PTPN9: variants seen among roughly 807,000 people sequenced by gnomAD.
The protein encoded by PTPN9 is protein tyrosine phosphatase non-receptor type 9.
In PTPN9, 26 loss-of-function variants were observed where a neutral mutation model predicts 69.8. That is an observed-to-expected ratio of 0.37 (90% CI 0.27 to 0.52). The LOEUF (loss-of-function observed/expected upper bound fraction) is 0.52. PTPN9 is among the 20% of genes least tolerant of loss of function. The pLI is 0.91. For missense variants in PTPN9, 549 were observed against 740.3 expected (o/e 0.74, Z 3.00); for synonymous variants, 274 against 272.5 (o/e 1.01, Z -0.05).
chr15:75,573,326 A>G (rs2075157431), intron 1 of PTPN9, among the ~76,000 whole-genome samples: 1 of 152,208 alleles, frequency 6.6e-6, no homozygotes, highest in African/African-American at 2.4e-5. Flanking sequence ...TAGAAAAGAT[A>G]CTGTTACGAT....
At chr15:75,544,923 T>C (rs931963421) in intron 1 of PTPN9, among the ~76,000 whole-genome samples, 1 of 152,172 alleles carries the variant, frequency 6.6e-6, no homozygotes, top group African/African-American at 2.4e-5. Context: ...AAAACATTCT[T>C]ACCCTTCCTC....
rs139668113 is a variant in PTPN9 at position 75,561,457 on chromosome 15, A to G, written c.63+17257T>C. Among the ~76,000 whole-genome samples, 401 of 152,252 alleles carry G rather than the reference A, an allele frequency of 2.6e-3. 1 individual carries two copies. The highest frequency in any genetic ancestry group is 8.8e-3 in the African/African-American group (364 of 41,560). On this transcript the variant is annotated intron_variant, in intron 1 of 12. Transcript: ENST00000618819. ...AAAAAATGGGCAAAACGAAAGTATC[A>G]TGGAAAAACAATTTCAAAAGCTGTT...
At chr15:75,480,645 G>A (rs1179150369) in intron 8 of PTPN9, 4 of 1,220,718 alleles carry the variant, frequency 3.3e-6, no homozygotes, top group East Asian at 4.0e-5. Context: ...GACGCCCGCG[G>A]GCCCCAGCTG....
In PTPN9 at chr15:75,499,399, CTTTTT is replaced by C. The variant is rs71440245; in HGVS notation, c.968+6271_968+6275del. ...ATGGCAACAAGACGATCTAAACCCA[CTTTTT>C]TTTTTTTTTTTTTTTTTTTGAGACA... On this transcript the variant is annotated intron_variant, in intron 7 of 12. Transcript: ENST00000618819. Among the ~76,000 whole-genome samples the C allele has an allele frequency of 5.1e-4, 43 of 84,522 alleles. No homozygotes were observed. The South Asian group carries it at 0.011, about 22-fold the overall frequency. The allele number at this position is 84,522 out of a possible 152,430, so 55.4% of individuals were successfully genotyped here.
At chr15:75,512,859 A>G (rs2074851139) in intron 5 of PTPN9, 1 of 294,668 alleles carries the variant, frequency 3.4e-6, no homozygotes, top group Admixed American at 3.7e-5. Flanking sequence ...CCAGATGTCC[A>G]GACAATACCC....
Position 75,463,766 on chromosome 15 carries a change from A to G in PTPN9, c.*5003T>C, listed in dbSNP as rs2074525847. ...TAGTCAATTATGAACAGTGCAGTCT[A>G]GAACACTTGATATTCACAAGTGTTG... On this transcript the variant is annotated 3_prime_UTR_variant, in exon 13 of 13. Coordinates refer to ENST00000618819, the MANE Select transcript of PTPN9 (RefSeq NM_002833.4). 6.6e-6 allele frequency: 1 copy of G among 152,220 alleles called. No homozygotes were observed. The highest frequency in any genetic ancestry group is 6.5e-5 in the Admixed American group (1 of 15,286). The allele number at this position is 152,220 out of a possible 1,614,324, so 9.4% of individuals were successfully genotyped here.
At chr15:75,559,976 C>T (rs955439023) in intron 1 of PTPN9, among the ~76,000 whole-genome samples, 3 of 151,920 alleles carry the variant, frequency 2.0e-5, no homozygotes, top group Admixed American at 6.6e-5. Context: ...CCCATCTCTA[C>T]TAAAAATACA....
chr15:75,567,734 C>G (rs187043931), intron 1 of PTPN9, among the ~76,000 whole-genome samples: 1 of 152,050 alleles, frequency 6.6e-6, no homozygotes, highest in Non-Finnish European at 1.5e-5. Flanking sequence ...CGGTGGCTCA[C>G]GCCTGTAATC....
chr15:75,556,088 AT>A (rs1186378563), intron 1 of PTPN9, among the ~76,000 whole-genome samples: 2 of 145,368 alleles, frequency 1.4e-5, no homozygotes, highest in African/African-American at 2.5e-5. Context: ...TAGATCAACA[AT>A]TTTTTTTTTC....
At chr15:75,533,375 C>G (rs891509261) in intron 1 of PTPN9, among the ~76,000 whole-genome samples, 1 of 152,166 alleles carries the variant, frequency 6.6e-6, no homozygotes, top group African/African-American at 2.4e-5. Context: ...CCTCCTGCCT[C>G]AGCCTTTCCA....
chr15:75,485,670 G>A (rs1595949371), intron 8 of PTPN9, among the ~76,000 whole-genome samples: 2 of 149,068 alleles, frequency 1.3e-5, no homozygotes, highest in Admixed American at 6.7e-5. Flanking sequence ...GCGCCCGGCC[G>A]AATTGTCACT....
intron 7 of PTPN9, among the ~76,000 whole-genome samples, chr15:75,498,907 G>C (rs1346435450): frequency 6.6e-6 from 1 of 152,174 alleles, no homozygotes; most frequent in East Asian, 1.9e-4. Flanking sequence ...ACACAAAAAT[G>C]AAGTAAAACT....
At chr15:75,486,960 AT>A (rs1210968781) in intron 8 of PTPN9, among the ~76,000 whole-genome samples, 3 of 151,032 alleles carry the variant, frequency 2.0e-5, no homozygotes, top group East Asian at 3.9e-4. Context: ...AATTTTTTGT[AT>A]TTTTTAGTAG....
chr15:75,516,450 C>T (rs8027546), intron 5 of PTPN9, among the ~76,000 whole-genome samples: 51,574 of 150,816 alleles, frequency 0.34, 10,099 homozygotes, highest in African/African-American at 0.53. Context: ...ACTACAGGCG[C>T]CTGCCACCAG....
At chr15:75,562,791 C>CAAAAAAAAAAAAAAAAAAAA in intron 1 of PTPN9, among the ~76,000 whole-genome samples, 1 of 80,050 alleles carries the variant, frequency 1.2e-5, no homozygotes, top group Non-Finnish European at 2.3e-5. Flanking sequence ...AGACTCGTTT[C>CAAAAAAAAAAAAAAAAAAAA]AAAAAAAAAA....
intron 1 of PTPN9, among the ~76,000 whole-genome samples, chr15:75,539,928 C>T (rs1388275085): frequency 6.6e-6 from 1 of 152,182 alleles, no homozygotes; most frequent in Non-Finnish European, 1.5e-5. Flanking sequence ...CAAGCAACTC[C>T]CCTGACCTCC....
chr15:75,479,233 G>A (rs973304517), intron 9 of PTPN9, among the ~76,000 whole-genome samples: 1 of 152,192 alleles, frequency 6.6e-6, no homozygotes. Flanking sequence ...CTTGAACCCG[G>A]GAGGTGGAGG....
chr15:75,514,888 A>G (rs2074861731), intron 5 of PTPN9, among the ~76,000 whole-genome samples: 1 of 152,214 alleles, frequency 6.6e-6, no homozygotes, highest in South Asian at 2.1e-4. Context: ...AAAATTAAGA[A>G]GTCTGACATT....
At chr15:75,573,008 C>T (rs2075155936) in intron 1 of PTPN9, among the ~76,000 whole-genome samples, 1 of 152,154 alleles carries the variant, frequency 6.6e-6, no homozygotes, top group Non-Finnish European at 1.5e-5. Flanking sequence ...AAACCAAACA[C>T]ATATATCAAT....
Sources: gnomAD v4.1 joint callset for allele counts (sites outside exome capture counted in the v4.1 genomes callset) on GRCh38, gnomAD v4.1.1 for gene constraint, MANE v1.5 for transcripts, NCBI Gene and HGNC (gene_info 2026-07-23, HGNC 2026-07-21) for gene names.